The following CNTN4 variants were observed in gnomAD, a reference collection of about 807,000 sequenced individuals.
CNTN4 encodes contactin-4.
CNTN4 carries 77 observed loss-of-function variants against 122.5 expected under a neutral mutation model. The ratio of observed to expected loss-of-function variants is 0.63; its 90% confidence interval spans 0.52 to 0.76. The LOEUF is 0.76. Among genes scored for constraint, CNTN4 ranks in the 30% least tolerant of loss-of-function variants. The pLI is 0.00. For missense variants in CNTN4, 1,256 were observed against 1,259.1 expected (o/e 1.00, Z 0.04); for synonymous variants, 512 against 447.0 (o/e 1.15, Z -1.83).
chr3:2,793,044 C>A (rs1438998733), intron 6 of CNTN4, among the ~76,000 whole-genome samples: 1 of 152,146 alleles, frequency 6.6e-6, no homozygotes, highest in Non-Finnish European at 1.5e-5. Flanking sequence ...TGAGGAGCAG[C>A]AAGTTCAGTT....
intron 3 of CNTN4, among the ~76,000 whole-genome samples, chr3:2,496,870 G>A (rs1414566921): frequency 6.6e-6 from 1 of 152,138 alleles, no homozygotes; most frequent in Non-Finnish European, 1.5e-5. Context: ...GAGACTGAAG[G>A]CCTAAGAACT....
At chr3:2,862,606 A>C (rs2093682746) in intron 7 of CNTN4, among the ~76,000 whole-genome samples, 1 of 152,232 alleles carries the variant, frequency 6.6e-6, no homozygotes, top group South Asian at 2.1e-4. Flanking sequence ...AATGGGACAG[A>C]AACTGTCTGT....
chr3:2,861,755 T>G (rs2093673923), intron 7 of CNTN4, among the ~76,000 whole-genome samples: 1 of 152,194 alleles, frequency 6.6e-6, no homozygotes, highest in African/African-American at 2.4e-5. Context: ...TGCCAGTAAC[T>G]ACCCTTGTGA....
chr3:2,838,333 G>A lies in CNTN4; in HGVS notation c.454+18752G>A, dbSNP rs567907551. On this transcript the variant is annotated intron_variant, in intron 7 of 24. Coordinates refer to ENST00000418658, the MANE Select transcript of CNTN4 (RefSeq NM_175607.3). Reference sequence around the variant, plus strand: ...AAACTCTCATCTTTACTGTATACAGGTATCTTTAATGTGAGTTATTGAGTA... The same window carrying A: ...AAACTCTCATCTTTACTGTATACAGATATCTTTAATGTGAGTTATTGAGTA... Among the ~76,000 whole-genome samples, 8 of 152,180 alleles carry A rather than the reference G, an allele frequency of 5.3e-5. No homozygotes were observed. The East Asian group carries it at 1.5e-3, about 29-fold the overall frequency.
intron 3 of CNTN4, among the ~76,000 whole-genome samples, chr3:2,405,303 C>T (rs993505349): frequency 1.3e-5 from 2 of 152,126 alleles, no homozygotes; most frequent in African/African-American, 4.8e-5. Flanking sequence ...AATGAGCACA[C>T]CTAGGACTCA....
intron 6 of CNTN4, among the ~76,000 whole-genome samples, chr3:2,787,382 AC>A (rs1056878529): frequency 1.8e-4 from 27 of 152,310 alleles, no homozygotes; most frequent in African/African-American, 5.8e-4. Context: ...CCTCAAAAAA[AC>A]ATACATAAAT....
At chr3:2,550,962 A>G (rs1325085865) in intron 3 of CNTN4, among the ~76,000 whole-genome samples, 4 of 152,012 alleles carry the variant, frequency 2.6e-5, no homozygotes, top group African/African-American at 9.7e-5. Context: ...GGAGTGGGGA[A>G]GCTAGTGGAG....
chr3:2,340,934 A>G (rs2044187500), intron 3 of CNTN4, among the ~76,000 whole-genome samples: 1 of 151,736 alleles, frequency 6.6e-6, no homozygotes, highest in Non-Finnish European at 1.5e-5. Flanking sequence ...CAGACTCTGC[A>G]GTATTGACTG....
chr3:2,130,200 G>A (rs1306649982), intron 2 of CNTN4, among the ~76,000 whole-genome samples: 2 of 151,952 alleles, frequency 1.3e-5, no homozygotes, highest in African/African-American at 2.4e-5. Flanking sequence ...TTTTAAAAAG[G>A]GAGTCTCAGG....
At chr3:2,594,146 C>A (rs2080642249) in intron 4 of CNTN4, among the ~76,000 whole-genome samples, 3 of 152,102 alleles carry the variant, frequency 2.0e-5, no homozygotes, top group African/African-American at 4.8e-5. Context: ...ACTTTGCTTA[C>A]ATAGTTGTTG....
At chr3:2,606,119 C>A (rs1014852214) in intron 4 of CNTN4, among the ~76,000 whole-genome samples, 1 of 152,034 alleles carries the variant, frequency 6.6e-6, no homozygotes, top group Non-Finnish European at 1.5e-5. Flanking sequence ...TATGTCATTG[C>A]AGTTTAAATA....
At chr3:2,419,807 G>A (rs2047549228) in intron 3 of CNTN4, among the ~76,000 whole-genome samples, 1 of 152,168 alleles carries the variant, frequency 6.6e-6, no homozygotes, top group South Asian at 2.1e-4. Flanking sequence ...ACAAATGTGT[G>A]TGGTTTCCAG....
intron 3 of CNTN4, among the ~76,000 whole-genome samples, chr3:2,417,013 G>C (rs1362676192): frequency 3.9e-5 from 6 of 152,178 alleles, no homozygotes; most frequent in Non-Finnish European, 8.8e-5. Context: ...CTCACAGTTT[G>C]AGAATTAACC....
At position 2,210,699 on chromosome 3, in the gene CNTN4, C is replaced by A. The variant is rs1052871571; in HGVS notation, c.-145+110060C>A. Among the ~76,000 whole-genome samples the A allele has an allele frequency of 2.6e-5, 4 of 152,166 alleles. No homozygotes were observed. The East Asian group carries it at 5.8e-4, about 22-fold the overall frequency. On this transcript the variant is annotated intron_variant, in intron 2 of 24. Transcript: ENST00000418658. ...GTGAGAGTCTCAACTTTGCTTCACT[C>A]TTCTCTATGGTAAGACTCATCTGTC...
At chr3:2,746,774 G>A (rs2089793426) in intron 6 of CNTN4, among the ~76,000 whole-genome samples, 2 of 152,174 alleles carry the variant, frequency 1.3e-5, no homozygotes, top group South Asian at 4.1e-4. Context: ...TTATGTATAT[G>A]CGAGATTCCA....
At chr3:2,343,111 G>A (rs961947502) in intron 3 of CNTN4, among the ~76,000 whole-genome samples, 11 of 152,196 alleles carry the variant, frequency 7.2e-5, no homozygotes, top group Non-Finnish European at 2.9e-5. Flanking sequence ...GGAAATATAT[G>A]TTTTAGGAAG....
chr3:2,139,376 T>G (rs2034875003), intron 2 of CNTN4, among the ~76,000 whole-genome samples: 1 of 152,340 alleles, frequency 6.6e-6, no homozygotes, highest in Admixed American at 6.5e-5. Flanking sequence ...TATTGCTTAC[T>G]AATGGGATAT....
intron 6 of CNTN4, among the ~76,000 whole-genome samples, chr3:2,792,190 G>A (rs984139338): frequency 4.6e-5 from 7 of 151,950 alleles, no homozygotes; most frequent in East Asian, 1.9e-4. Flanking sequence ...ACATTCTTTC[G>A]GGGGGCCCTT....
chr3:2,674,483 A>G (rs1411028331), intron 4 of CNTN4, among the ~76,000 whole-genome samples: 2 of 152,190 alleles, frequency 1.3e-5, no homozygotes, highest in African/African-American at 4.8e-5. Flanking sequence ...GTGTCCAGGC[A>G]TGCTGGCTCA....
Sources: allele counts gnomAD v4.1 joint callset (sites outside exome capture counted in the v4.1 genomes callset), GRCh38; gene constraint gnomAD v4.1.1; transcripts MANE v1.5; gene names NCBI Gene and HGNC (gene_info 2026-07-23, HGNC 2026-07-21).